Variants in RIMS1 observed in about 807,000 individuals in gnomAD.
RIMS1 encodes regulating synaptic membrane exocytosis protein 1.
RIMS1 carries 83 observed loss-of-function variants against 214.1 expected under a neutral mutation model. The ratio of observed to expected loss-of-function variants is 0.39; its 90% CI spans 0.32 to 0.47. RIMS1 has a LOEUF of 0.47. Among genes scored for constraint, RIMS1 ranks in the 20% least tolerant of loss-of-function variants. RIMS1 has a pLI of 0.99. For missense variants in RIMS1, 2,050 were observed against 2,161.8 expected (o/e 0.95, Z 1.03); for synonymous variants, 793 against 786.8 (o/e 1.01, Z -0.13).
chr6:72,025,076 G>C (rs1281339415), intron 2 of RIMS1, among the ~76,000 whole-genome samples: 19 of 151,722 alleles, frequency 1.3e-4, no homozygotes, highest in Non-Finnish European at 1.0e-4. Flanking sequence ...GCTAATTTTT[G>C]TATTTTTAGT....
Position 72,158,447 on chromosome 6 carries a change from T to G in RIMS1, c.472-21128T>G, listed in dbSNP as rs772480186. Among the ~76,000 whole-genome samples, 68 of 139,806 alleles carry G rather than the reference T, an allele frequency of 4.9e-4. 14 individuals carry two copies. The highest frequency in any genetic ancestry group is 1.5e-4 in the Admixed American group (2 of 13,652). 91.7% of individuals were successfully genotyped at this position (139,806 alleles called of 152,430 possible). A position where few individuals can be genotyped will look rare whatever the true frequency, so the allele number is the denominator to read the frequency against. On this transcript the variant is annotated intron_variant, in intron 4 of 33. Coordinates refer to ENST00000521978, the MANE Select transcript of RIMS1 (RefSeq NM_014989.7). ...ATCATACTCTAAGTTTTAGGCTACATGTGCACAACGTGCAGGTTTGTTACA... is the reference window on the plus strand; with the variant it reads ...ATCATACTCTAAGTTTTAGGCTACAGGTGCACAACGTGCAGGTTTGTTACA...
At chr6:72,272,853 C>A (rs1273271921) in intron 22 of RIMS1, among the ~76,000 whole-genome samples, 1 of 152,050 alleles carries the variant, frequency 6.6e-6, no homozygotes, top group Non-Finnish European at 1.5e-5. Flanking sequence ...TATTTTACAA[C>A]TATTTCTTCA....
intron 26 of RIMS1, among the ~76,000 whole-genome samples, chr6:72,293,654 G>A (rs967914521): frequency 1.3e-5 from 2 of 151,790 alleles, no homozygotes; most frequent in African/African-American, 4.8e-5. Context: ...AAGCATATAA[G>A]GGTACTGCAT....
intron 2 of RIMS1, among the ~76,000 whole-genome samples, chr6:72,095,337 A>G (rs2031191639): frequency 6.6e-6 from 1 of 152,120 alleles, no homozygotes; most frequent in South Asian, 2.1e-4. Context: ...TTTTGAAATA[A>G]CAAGTGCCCA....
intron 2 of RIMS1, among the ~76,000 whole-genome samples, chr6:71,979,541 C>T (rs1797986375): frequency 6.6e-6 from 1 of 152,046 alleles, no homozygotes. Context: ...AGTGAAAAAT[C>T]TCTACATTAT....
At position 71,908,214 on chromosome 6, in the gene RIMS1, A is replaced by T. The variant is rs183645345; in HGVS notation, c.164+21027A>T. Reference sequence around the variant, plus strand: ...AACTTGGGAGAAATTTAGTCACTTTATCTTCTTTTTTCCTTTCTTTGCTCT... The same window carrying T: ...AACTTGGGAGAAATTTAGTCACTTTTTCTTCTTTTTTCCTTTCTTTGCTCT... On this transcript the variant is annotated intron_variant, in intron 1 of 33. Coordinates refer to ENST00000521978, the MANE Select transcript of RIMS1 (RefSeq NM_014989.7). 1.8e-3 allele frequency among the ~76,000 whole-genome samples: 270 copies of T among 152,276 alleles called. 6 individuals carry two copies. Among genetic ancestry groups the T allele is most frequent in the Non-Finnish European group, 2.6e-4 (18 of 68,016 alleles).
At chr6:72,036,524 A>G (rs989587794) in intron 2 of RIMS1, among the ~76,000 whole-genome samples, 5 of 152,188 alleles carry the variant, frequency 3.3e-5, no homozygotes, top group African/African-American at 7.2e-5. Context: ...ACCAAAGCCT[A>G]CAAAGTAAAC....
intron 2 of RIMS1, among the ~76,000 whole-genome samples, chr6:72,040,227 A>G (rs1199873140): frequency 2.6e-5 from 4 of 152,150 alleles, no homozygotes; most frequent in South Asian, 2.1e-4. Context: ...CTTATGTCCC[A>G]TTTTCCCTTA....
At chr6:72,353,215 C>T (rs1249455561) in intron 29 of RIMS1, among the ~76,000 whole-genome samples, 1 of 151,912 alleles carries the variant, frequency 6.6e-6, no homozygotes, top group Non-Finnish European at 1.5e-5. Flanking sequence ...GAACTCCTGA[C>T]CTCGGGTGAT....
chr6:71,923,036 G>C (rs1269972602), intron 1 of RIMS1, among the ~76,000 whole-genome samples: 1 of 152,168 alleles, frequency 6.6e-6, no homozygotes, highest in Admixed American at 6.5e-5. Context: ...TGAGATAAGT[G>C]AAATTGATAT....
At chr6:72,273,893 C>T (rs1334144882) in intron 22 of RIMS1, among the ~76,000 whole-genome samples, 2 of 152,184 alleles carry the variant, frequency 1.3e-5, no homozygotes, top group Admixed American at 1.3e-4. Flanking sequence ...TAAATTCACA[C>T]ATCCCCACCT....
At chr6:72,267,761 A>C (rs1042874342) in intron 22 of RIMS1, among the ~76,000 whole-genome samples, 2 of 152,176 alleles carry the variant, frequency 1.3e-5, no homozygotes, top group Admixed American at 6.6e-5. Flanking sequence ...ATAAATCTCC[A>C]TGTTGGCAAA....
chr6:72,287,589 C>G (rs1438733261), intron 24 of RIMS1, among the ~76,000 whole-genome samples: 1 of 151,230 alleles, frequency 6.6e-6, no homozygotes, highest in Non-Finnish European at 1.5e-5. Context: ...AACTTTTGCT[C>G]TGCAAACTTT....
At chr6:72,380,784 G>A (rs911760447) in intron 29 of RIMS1, among the ~76,000 whole-genome samples, 25 of 151,836 alleles carry the variant, frequency 1.6e-4, no homozygotes, top group Admixed American at 1.3e-4. Context: ...CTCCCACGTC[G>A]GCCTTCCAAA....
chr6:72,130,867 G>A (rs1173907677), intron 4 of RIMS1, among the ~76,000 whole-genome samples: 1 of 152,000 alleles, frequency 6.6e-6, no homozygotes, highest in Non-Finnish European at 1.5e-5. Flanking sequence ...GCATTTCTTT[G>A]CAAAAATAAA....
intron 29 of RIMS1, among the ~76,000 whole-genome samples, chr6:72,377,793 A>G (rs1335762479): frequency 4.6e-5 from 7 of 152,236 alleles, no homozygotes; most frequent in Admixed American, 4.6e-4. Context: ...ATGTAAAGGA[A>G]TCAAAATTCC....
At chr6:71,980,111 A>G (rs1408692924) in intron 2 of RIMS1, among the ~76,000 whole-genome samples, 2 of 152,072 alleles carry the variant, frequency 1.3e-5, no homozygotes, top group African/African-American at 4.8e-5. Context: ...CAGGATGAGA[A>G]CAGTCTGCCC....
At chr6:72,246,201 G>C (rs1386344527) in intron 11 of RIMS1, among the ~76,000 whole-genome samples, 1 of 152,158 alleles carries the variant, frequency 6.6e-6, no homozygotes, top group Non-Finnish European at 1.5e-5. Flanking sequence ...CAGTTTGATT[G>C]CTAAGCAGCT....
chr6:72,152,913 G>T (rs1412306444), intron 4 of RIMS1, among the ~76,000 whole-genome samples: 1 of 133,822 alleles, frequency 7.5e-6, no homozygotes, highest in Non-Finnish European at 1.6e-5. Flanking sequence ...TGGAATATAT[G>T]TATATATATG....
Sources: gnomAD v4.1 joint callset for allele counts (sites outside exome capture counted in the v4.1 genomes callset) on GRCh38, gnomAD v4.1.1 for gene constraint, MANE v1.5 for transcripts, NCBI Gene and HGNC (gene_info 2026-07-23, HGNC 2026-07-21) for gene names.